Variants in OXSR1 observed in about 807,000 individuals in gnomAD.
The protein encoded by OXSR1 is serine/threonine-protein kinase OSR1.
Under a neutral mutation model 79.8 loss-of-function variants are expected in OXSR1, and 24 were observed. The observed-to-expected ratio is 0.30, with a 90% CI of 0.22 to 0.42. OXSR1 has a LOEUF of 0.42. Ranked by LOEUF, OXSR1 falls within the 10% of genes least tolerant of loss-of-function variation. The probability of loss-of-function intolerance (pLI) is 1.00; values close to 1 mark genes in which losing one functional copy is unlikely to be tolerated. For synonymous variants in OXSR1, 226 were observed against 209.2 expected (o/e 1.08, Z -0.69); for missense variants, 430 against 618.4 (o/e 0.70, Z 3.23).
intron 5 of OXSR1, among the ~76,000 whole-genome samples, chr3:38,219,920 A>C (rs114181051): frequency 2.6e-5 from 4 of 151,852 alleles, no homozygotes; most frequent in Admixed American, 6.6e-5. Context: ...CAGTCCTCCT[A>C]CCTCAGCCTC....
At chr3:38,215,518 G>A (rs1219488609) in intron 4 of OXSR1, among the ~76,000 whole-genome samples, 2 of 152,268 alleles carry the variant, frequency 1.3e-5, no homozygotes, top group South Asian at 2.1e-4. Context: ...ATATGTCATC[G>A]GTATATAGTC....
At chr3:38,208,443 A>G (rs1277534861) in intron 4 of OXSR1, among the ~76,000 whole-genome samples, 1 of 152,180 alleles carries the variant, frequency 6.6e-6, no homozygotes, top group Admixed American at 6.5e-5. Context: ...ATTATTCATT[A>G]GAGTCAGTTG....
In OXSR1 at chr3:38,251,624, T is replaced by C. The variant is rs557933225; in HGVS notation, c.1444+153T>C. 8.5e-5 allele frequency among the ~76,000 whole-genome samples: 13 copies of C among 152,252 alleles called. No individual in the cohort carries two copies. The East Asian group carries it at 2.5e-3, about 29-fold the overall frequency. ...AATTATAGGTAATGGGACAGTTCCT[T>C]ACACACACACAAAATTTCACCTCTG... On this transcript the variant is annotated intron_variant, in intron 16 of 17. Coordinates refer to ENST00000311806, the MANE Select transcript of OXSR1 (RefSeq NM_005109.3).
At chr3:38,185,292 ACT>A (rs758839360) in intron 2 of OXSR1, among the ~76,000 whole-genome samples, 30 of 152,028 alleles carry the variant, frequency 2.0e-4, no homozygotes, top group Non-Finnish European at 3.2e-4. Context: ...CTAAGTAAAA[ACT>A]CTGCACAGGG....
At chr3:38,188,159 T>C (rs1219959207) in intron 2 of OXSR1, among the ~76,000 whole-genome samples, 1 of 152,116 alleles carries the variant, frequency 6.6e-6, no homozygotes, top group Non-Finnish European at 1.5e-5. Flanking sequence ...GTACTCCCCT[T>C]TTCAGATTAA....
intron 4 of OXSR1, among the ~76,000 whole-genome samples, chr3:38,208,631 A>G (rs546018998): frequency 1.3e-5 from 2 of 152,300 alleles, no homozygotes; most frequent in African/African-American, 4.8e-5. Flanking sequence ...GGCCGGGCGC[A>G]GTGGCTCACG....
chr3:38,203,389 C>T (rs1287321301), intron 4 of OXSR1, among the ~76,000 whole-genome samples: 5 of 152,082 alleles, frequency 3.3e-5, no homozygotes, highest in Admixed American at 1.3e-4. Flanking sequence ...AGTGGTCCCC[C>T]GGGCCCAGCT....
At chr3:38,209,218 T>G (rs1385802671) in intron 4 of OXSR1, among the ~76,000 whole-genome samples, 3 of 152,122 alleles carry the variant, frequency 2.0e-5, no homozygotes, top group African/African-American at 4.8e-5. Context: ...TCAGCCTTAT[T>G]TGGTTATTGA....
chr3:38,241,976 C>G (rs1338141730), intron 11 of OXSR1, among the ~76,000 whole-genome samples: 5 of 150,910 alleles, frequency 3.3e-5, no homozygotes, highest in African/African-American at 1.2e-4. Context: ...TCAGAATTTA[C>G]CATAAATTGT....
chr3:38,185,169 C>T (rs1701861216), intron 2 of OXSR1, among the ~76,000 whole-genome samples: 1 of 151,766 alleles, frequency 6.6e-6, no homozygotes, highest in Non-Finnish European at 1.5e-5. Context: ...TATAATTCGA[C>T]AGAATTTGTC....
chr3:38,219,659 C>T (rs577757692), intron 5 of OXSR1, among the ~76,000 whole-genome samples: 2 of 152,226 alleles, frequency 1.3e-5, no homozygotes, highest in East Asian at 1.9e-4. Flanking sequence ...GCTGAATGCA[C>T]TAAATGTACT....
upstream of OXSR1, among the ~76,000 whole-genome samples, chr3:38,164,761 TTTGAGCTTCAGATCTAAAGCTGCGA>T (rs1167945521): frequency 1.5e-4 from 23 of 152,222 alleles, no homozygotes; most frequent in African/African-American, 5.1e-4. Context: ...CAGGTGCTTA[TTTGAGCTTCAGATCTAAAGCTGCGA>T]ATGGACAGAA....
chr3:38,171,967 G>A (rs1453252657), intron 1 of OXSR1, among the ~76,000 whole-genome samples: 2 of 152,146 alleles, frequency 1.3e-5, no homozygotes, highest in African/African-American at 4.8e-5. Context: ...ATTAGTTTCC[G>A]TGTCAGCTTT....
Position 38,165,882 on chromosome 3 carries a change from C to T in OXSR1, c.6C>T (p.Ser2=). 6.2e-7 allele frequency: 1 copy of T among 1,610,844 alleles called. No individual in the cohort carries two copies. Residue 2 remains serine, a synonymous_variant, in exon 1 of 18, where the codon TCC becomes TCT. Transcript: ENST00000311806. M[S]EDSSALPWSI... Reference sequence around the variant, plus strand: ...CGCGAGCCGCTGCCGCCGTCATGTCCGAGGACTCGAGCGCCCTGCCCTGGT... The same window carrying T: ...CGCGAGCCGCTGCCGCCGTCATGTCTGAGGACTCGAGCGCCCTGCCCTGGT...
In OXSR1 at chr3:38,165,549, G is replaced by T. The variant is rs1359091898; in HGVS notation, c.-328G>T. The T allele has an allele frequency of 1.7e-5, 6 of 346,506 alleles. 1 individual carries two copies. The highest frequency in any genetic ancestry group is 8.8e-5 in the South Asian group (2 of 22,646). 21.5% of individuals were successfully genotyped at this position (346,506 alleles called of 1,614,324 possible). ...GAGGGGAAAGTTTGGCCCGTGCGTG[G>T]GGCTGGGGTGGAGGGCGGGACAGAG... On this transcript the variant is annotated 5_prime_UTR_variant, in exon 1 of 18. Coordinates refer to ENST00000311806, the MANE Select transcript of OXSR1 (RefSeq NM_005109.3).
chr3:38,188,308 CTAT>C, intron 2 of OXSR1, among the ~76,000 whole-genome samples: 1 of 152,278 alleles, frequency 6.6e-6, no homozygotes, highest in Non-Finnish European at 1.5e-5. Context: ...TTGTACCTCT[CTAT>C]TATTATCTCG....
chr3:38,215,783 T>TTTG (rs1702470396), intron 4 of OXSR1, among the ~76,000 whole-genome samples: 1 of 152,182 alleles, frequency 6.6e-6, no homozygotes, highest in African/African-American at 2.4e-5. Context: ...CATTGGGGTA[T>TTTG]AGAAAAAAAT....
At chr3:38,192,240 C>T (rs1701997696) in intron 3 of OXSR1, among the ~76,000 whole-genome samples, 2 of 152,160 alleles carry the variant, frequency 1.3e-5, no homozygotes, top group Non-Finnish European at 2.9e-5. Context: ...TAAAGTCACT[C>T]TTGTGTCCTC....
chr3:38,171,955 T>C (rs1051172850), intron 1 of OXSR1, among the ~76,000 whole-genome samples: 3 of 152,218 alleles, frequency 2.0e-5, no homozygotes, highest in Admixed American at 2.0e-4. Flanking sequence ...ACAAATTATA[T>C]GATTAGTTTC....
Sources: allele counts gnomAD v4.1 joint callset (sites outside exome capture counted in the v4.1 genomes callset), GRCh38; gene constraint gnomAD v4.1.1; transcripts MANE v1.5; gene names NCBI Gene and HGNC (gene_info 2026-07-23, HGNC 2026-07-21).